ZFP91: variants seen among roughly 807,000 people sequenced by gnomAD.
The protein encoded by ZFP91 is E3 ubiquitin-protein ligase ZFP91.
Under a neutral mutation model 63.5 loss-of-function variants are expected in ZFP91, and 7 were observed. The observed-to-expected ratio is 0.11, with a 90% CI of 0.06 to 0.21. The LOEUF is 0.21. Ranked by LOEUF, ZFP91 falls within the 10% of genes least tolerant of loss-of-function variation. ZFP91 has a pLI of 1.00. For missense variants in ZFP91, 628 were observed against 736.6 expected (o/e 0.85, Z 1.71); for synonymous variants, 330 against 272.1 (o/e 1.21, Z -2.10).
chr11:58,579,072 G>A lies in ZFP91; in HGVS notation c.-210G>A. ...GGCCCGCTGAGCGTCTGTGGCGCGCGCGCGCGCGCCGCCAGCGGTAGCGGA... is the reference window on the plus strand; with the variant it reads ...GGCCCGCTGAGCGTCTGTGGCGCGCACGCGCGCGCCGCCAGCGGTAGCGGA... On this transcript the variant is annotated 5_prime_UTR_variant, in exon 1 of 11. Coordinates refer to ENST00000316059, the MANE Select transcript of ZFP91 (RefSeq NM_053023.5). 2 of 371,936 alleles carry A rather than the reference G, an allele frequency of 5.4e-6. No homozygotes were observed. Among genetic ancestry groups the A allele is most frequent in the Non-Finnish European group, 4.7e-6 (1 of 213,070 alleles). 23.0% of individuals were successfully genotyped at this position (371,936 alleles called of 1,614,324 possible).
chr11:58,589,643 A>T (rs188557010), intron 2 of ZFP91, among the ~76,000 whole-genome samples: 1 of 152,348 alleles, frequency 6.6e-6, no homozygotes, highest in Non-Finnish European at 1.5e-5. Context: ...GTAGATAGAC[A>T]TTTTTGTTTG....
At position 58,611,067 on chromosome 11, in the gene ZFP91, T is replaced by A. The variant is rs1855652999; in HGVS notation, c.722+13T>A. 1 of 1,607,874 alleles carries A rather than the reference T, an allele frequency of 6.2e-7. No homozygotes were observed. The highest frequency in any genetic ancestry group is 8.5e-7 in the Non-Finnish European group (1 of 1,175,306). On this transcript the variant is annotated intron_variant, in intron 5 of 10. Coordinates refer to ENST00000316059, the MANE Select transcript of ZFP91 (RefSeq NM_053023.5). Reference sequence around the variant, plus strand: ...CCCACTTAGAAAGGCATGTCTCAGATTTTACTGCAGACATGTTAATGAAAT... The same window carrying A: ...CCCACTTAGAAAGGCATGTCTCAGAATTTACTGCAGACATGTTAATGAAAT...
At position 58,621,286 on chromosome 11, in the gene ZFP91, G is replaced by C. The variant is rs192061424; in HGVS notation, c.*3580G>C. ...TTGACAACTGCCTCCTAGGAAAACT[G>C]GCCATATGTTAATTAACCTAGTAGA... On this transcript the variant is annotated 3_prime_UTR_variant, in exon 11 of 11. Transcript: ENST00000316059. Among the ~76,000 whole-genome samples the C allele has an allele frequency of 1.3e-5, 2 of 152,192 alleles. No individual in the cohort carries two copies. Among genetic ancestry groups the C allele is most frequent in the Admixed American group, 1.3e-4 (2 of 15,278 alleles).
intron 2 of ZFP91, among the ~76,000 whole-genome samples, chr11:58,586,078 G>T (rs1307313752): frequency 1.3e-5 from 2 of 151,884 alleles, no homozygotes; most frequent in African/African-American, 4.8e-5. Context: ...TAGAAAATAG[G>T]TTATGTCTGC....
At chr11:58,596,216 T>C (rs578050946) in intron 2 of ZFP91, among the ~76,000 whole-genome samples, 3 of 152,296 alleles carry the variant, frequency 2.0e-5, no homozygotes, top group South Asian at 2.1e-4. Flanking sequence ...TGGATCGTTA[T>C]AAGGTCTTTG....
chr11:58,595,845 G>A lies in ZFP91; in HGVS notation c.370+10961G>A, dbSNP rs570226324. ...ACCCATCTCCACCTCCCAAAGTGCT[G>A]GGTATAGGCTTGAGCCAGCACGCCT... On this transcript the variant is annotated intron_variant, in intron 2 of 10. Transcript: ENST00000316059. 2.0e-5 allele frequency among the ~76,000 whole-genome samples: 3 copies of A among 152,236 alleles called. No individual in the cohort carries two copies. In the South Asian group the frequency reaches 6.2e-4, roughly 32 times the overall value.
Position 58,620,671 on chromosome 11 carries a change from G to T in ZFP91, c.*2965G>T, listed in dbSNP as rs1025708995. 6.6e-6 allele frequency: 1 copy of T among 152,392 alleles called. No individual in the cohort carries two copies. The highest frequency in any genetic ancestry group is 2.4e-5 in the African/African-American group (1 of 41,342). The allele number at this position is 152,392 out of a possible 1,614,324, so 9.4% of individuals were successfully genotyped here. On this transcript the variant is annotated 3_prime_UTR_variant, in exon 11 of 11. Transcript: ENST00000316059. Reference sequence around the variant, plus strand: ...TTGAACCTCCTTTGTACCTGTTTGGGGAAAAAGTATAATGAGTGTACTACC... The same window carrying T: ...TTGAACCTCCTTTGTACCTGTTTGGTGAAAAAGTATAATGAGTGTACTACC...
chr11:58,584,954 A>C lies in ZFP91; in HGVS notation c.370+70A>C. 6.4e-6 allele frequency: 8 copies of C among 1,240,898 alleles called. No homozygotes were observed. In the South Asian group the frequency reaches 8.8e-5, roughly 14 times the overall value. The allele number at this position is 1,240,898 out of a possible 1,614,324, so 76.9% of individuals were successfully genotyped here. A position where few individuals can be genotyped will look rare whatever the true frequency, so the allele number is the denominator to read the frequency against. The stretch of plus-strand genomic sequence containing the variant: ...ATCTTTTAATCTGTTAGAAAGCCTC[A>C]TCATTCAAATTGGTTCCCATTTAAA... On this transcript the variant is annotated intron_variant, in intron 2 of 10. Transcript: ENST00000316059.
Position 58,579,309 on chromosome 11 carries a change from C to A in ZFP91, c.28C>A (p.Pro10Thr). The A allele has an allele frequency of 2.0e-6, 3 of 1,487,412 alleles. No individual in the cohort carries two copies. The highest frequency in any genetic ancestry group is 2.4e-5 in the Admixed American group (1 of 42,054). The allele number at this position is 1,487,412 out of a possible 1,614,324, so 92.1% of individuals were successfully genotyped here. A position where few individuals can be genotyped will look rare whatever the true frequency, so the allele number is the denominator to read the frequency against. The change falls in exon 1 of 11, where the codon CCC becomes ACC. Residue 10 changes from proline to threonine, a missense_variant. Pro to Thr is a conservative substitution (Grantham distance 38). Transcript: ENST00000316059. MPGETEEPR[P>T]PEQQDQEGGE... ...GCCGGGGGAGACGGAAGAGCCGAGACCCCCGGAGCAGCAGGACCAGGAAGG... is the reference window on the plus strand; with the variant it reads ...GCCGGGGGAGACGGAAGAGCCGAGAACCCCGGAGCAGCAGGACCAGGAAGG...
intron 1 of ZFP91, among the ~76,000 whole-genome samples, chr11:58,581,812 A>G (rs1345852763): frequency 6.7e-6 from 1 of 150,048 alleles, no homozygotes; most frequent in Non-Finnish European, 1.5e-5. Flanking sequence ...ATGGATGAAG[A>G]TGACTTAATT....
At chr11:58,592,129 C>T (rs1335548589) in intron 2 of ZFP91, among the ~76,000 whole-genome samples, 2 of 139,096 alleles carry the variant, frequency 1.4e-5, no homozygotes, top group Admixed American at 7.7e-5. Flanking sequence ...CTTGCCCAGG[C>T]TGGAGTGCAG....
chr11:58,579,517 G>C lies in ZFP91; in HGVS notation c.236G>C (p.Arg79Pro). The C allele has an allele frequency of 6.4e-7, 1 of 1,559,920 alleles. No individual in the cohort carries two copies. The highest frequency in any genetic ancestry group is 1.2e-5 in the South Asian group (1 of 85,974). ...SRRRKAEYPR[R>P]RRSSPSARPP... ...CGGAGGAAGGCCGAGTATCCCCGCC[G>C]GCGGAGGAGCAGCCCCAGCGCCAGG... Residue 79 changes from arginine to proline, a missense_variant, in exon 1 of 11, where the codon CGG becomes CCG. Physicochemically the swap from Arg to Pro is moderately radical, Grantham distance 103 (BLOSUM62 -2). Transcript: ENST00000316059.
At chr11:58,614,483 A>G (rs771876767) in intron 9 of ZFP91, 140 bp downstream of exon 9, 2 of 614,484 alleles carry the variant, frequency 3.3e-6, no homozygotes, top group Non-Finnish European at 5.2e-6. Flanking sequence ...AATAAAATGT[A>G]GTAAGACAAA....
chr11:58,612,636 TA>T, intron 7 of ZFP91, 125 bp from the exon 8 acceptor site: 1 of 721,950 alleles, frequency 1.4e-6, no homozygotes. Flanking sequence ...TGTATAGTAG[TA>T]AAGAGATTTT....
At chr11:58,586,508 AT>A (rs1187635212) in intron 2 of ZFP91, among the ~76,000 whole-genome samples, 27 of 152,172 alleles carry the variant, frequency 1.8e-4, no homozygotes. Flanking sequence ...ATTCTGGATA[AT>A]TTGATCCGAA....
chr11:58,615,650 T>C (rs1855738307), intron 9 of ZFP91, among the ~76,000 whole-genome samples: 1 of 152,188 alleles, frequency 6.6e-6, no homozygotes, highest in Admixed American at 6.5e-5. Flanking sequence ...ACTGTGCGTT[T>C]TTAGACCTTG....
At chr11:58,598,273 A>G (rs1855436069) in intron 2 of ZFP91, among the ~76,000 whole-genome samples, 1 of 152,162 alleles carries the variant, frequency 6.6e-6, no homozygotes, top group Admixed American at 6.5e-5. Flanking sequence ...CAGTAATGTC[A>G]TCAAATAGAG....
At chr11:58,606,132 G>A (rs1258594725) in intron 2 of ZFP91, among the ~76,000 whole-genome samples, 1 of 151,998 alleles carries the variant, frequency 6.6e-6, no homozygotes, top group African/African-American at 2.4e-5. Flanking sequence ...TGTTATCTCG[G>A]CTCACTGCAC....
chr11:58,598,585 C>T (rs1273339034), intron 2 of ZFP91, among the ~76,000 whole-genome samples: 2 of 152,038 alleles, frequency 1.3e-5, no homozygotes, highest in Non-Finnish European at 2.9e-5. Context: ...GGAACCTCCT[C>T]AAGGTTAGCT....
Sources: gnomAD v4.1 joint callset for allele counts (sites outside exome capture counted in the v4.1 genomes callset) on GRCh38, gnomAD v4.1.1 for gene constraint, MANE v1.5 for transcripts, NCBI Gene and HGNC (gene_info 2026-07-23, HGNC 2026-07-21) for gene names.